The following ABLIM1 variants were observed in gnomAD, a reference collection of about 807,000 sequenced individuals.
ABLIM1 encodes the protein actin-binding LIM protein 1.
Under a neutral mutation model 107.0 loss-of-function variants are expected in ABLIM1, and 40 were observed. That is an observed-to-expected ratio of 0.37 (90% CI 0.29 to 0.49). ABLIM1 has a LOEUF of 0.49. Among genes scored for constraint, ABLIM1 ranks in the 20% least tolerant of loss-of-function variants. The pLI, the probability that ABLIM1 is intolerant of heterozygous loss-of-function variation, is 0.97. For missense variants in ABLIM1, 857 were observed against 1,008.5 expected (o/e 0.85, Z 2.04); for synonymous variants, 357 against 357.3 (o/e 1.00, Z 0.01).
At chr10:114,523,494 G>T (rs545800739) in intron 6 of ABLIM1, among the ~76,000 whole-genome samples, 2 of 152,198 alleles carry the variant, frequency 1.3e-5, no homozygotes, top group East Asian at 3.9e-4. Context: ...CAGACCCTAT[G>T]GTTAGTGTGC....
intron 1 of ABLIM1, among the ~76,000 whole-genome samples, chr10:114,651,503 C>T (rs563234432): frequency 6.6e-4 from 100 of 152,252 alleles, no homozygotes; most frequent in African/African-American, 2.1e-3. Flanking sequence ...AGAGGCCCAA[C>T]GTGAAAGCAT....
chr10:114,745,237 G>A (rs768626671), intron 1 of ABLIM1, among the ~76,000 whole-genome samples: 17 of 152,108 alleles, frequency 1.1e-4, no homozygotes, highest in South Asian at 4.1e-4. Flanking sequence ...TGCCTGACAC[G>A]TAGTAAGGAC....
chr10:114,615,498 A>G, intron 1 of ABLIM1: 1 of 448,192 alleles, frequency 2.2e-6, no homozygotes, highest in South Asian at 1.6e-5. Context: ...TATATTTACC[A>G]CAGTCTAAAC....
At chr10:114,443,470 G>A (rs140999140) in intron 17 of ABLIM1, among the ~76,000 whole-genome samples, 15 of 151,572 alleles carry the variant, frequency 9.9e-5, no homozygotes, top group African/African-American at 3.1e-4. Context: ...CCACCACCAC[G>A]CCTGGCTAAT....
rs186878934 is a variant in ABLIM1, at chr10:114,451,810, T to G, written c.1547-139A>C. On this transcript the variant is annotated intron_variant, in intron 13 of 22. Coordinates refer to ENST00000533213, the MANE Select transcript of ABLIM1 (RefSeq NM_002313.7). The stretch of plus-strand genomic sequence containing the variant: ...AGGTTAATTTCTGTATTACAAAGAT[T>G]GAGTTTATTGAAAGAAAAATTATAG... 1.1e-4 allele frequency: 86 copies of G among 749,370 alleles called. No individual in the cohort carries two copies. In the African/African-American group the frequency reaches 1.4e-3, roughly 12 times the overall value. The allele number at this position is 749,370 out of a possible 1,614,324, so 46.4% of individuals were successfully genotyped here.
At chr10:114,628,813 TAATA>T (rs1447818224) in intron 1 of ABLIM1, among the ~76,000 whole-genome samples, 1 of 152,226 alleles carries the variant, frequency 6.6e-6, no homozygotes, top group Non-Finnish European at 1.5e-5. Context: ...CAAAAATAAA[TAATA>T]AATCCCTTTT....
At chr10:114,660,680 G>C (rs1178689357), upstream of ABLIM1, among the ~76,000 whole-genome samples, 1 of 152,162 alleles carries the variant, frequency 6.6e-6, no homozygotes, top group East Asian at 1.9e-4. Context: ...GTTTCCTGGA[G>C]CTCTGCTCTT....
intron 6 of ABLIM1, among the ~76,000 whole-genome samples, chr10:114,506,538 T>TAA (rs1337839159): frequency 6.6e-6 from 1 of 152,220 alleles, no homozygotes; most frequent in African/African-American, 2.4e-5. Context: ...TCTGGCTTTT[T>TAA]AATAATAGCC....
chr10:114,558,832 C>G (rs561955434), intron 4 of ABLIM1, among the ~76,000 whole-genome samples: 1 of 151,754 alleles, frequency 6.6e-6, no homozygotes, highest in African/African-American at 2.4e-5. Flanking sequence ...AATAAAAATA[C>G]TAGCATAAAA....
intron 1 of ABLIM1, chr10:114,613,638 G>T: frequency 7.6e-7 from 1 of 1,311,732 alleles, no homozygotes; most frequent in Non-Finnish European, 1.0e-6. Flanking sequence ...TGTGAATAAA[G>T]ACACAAACCT....
intron 1 of ABLIM1, among the ~76,000 whole-genome samples, chr10:114,693,469 C>T (rs1337461715): frequency 6.6e-6 from 1 of 152,220 alleles, no homozygotes; most frequent in African/African-American, 2.4e-5. Context: ...TGCGTGCACT[C>T]TCTCCAGATC....
chr10:114,791,377 G>C, the ABLIM1 span, among the ~76,000 whole-genome samples: 1 of 151,194 alleles, frequency 6.6e-6, no homozygotes, highest in Non-Finnish European at 1.5e-5. Flanking sequence ...GGTGGCTCAT[G>C]CCTGTAATCC....
chr10:114,604,142 T>G (rs2076246398), intron 1 of ABLIM1, among the ~76,000 whole-genome samples: 1 of 151,876 alleles, frequency 6.6e-6, no homozygotes, highest in South Asian at 2.1e-4. Flanking sequence ...TCTCTCTCAG[T>G]GAAGTGAGTA....
chr10:114,541,679 A>G (rs921251488), intron 6 of ABLIM1, among the ~76,000 whole-genome samples: 2 of 152,242 alleles, frequency 1.3e-5, no homozygotes, highest in Non-Finnish European at 2.9e-5. Flanking sequence ...AAAGCCCCGC[A>G]TGGAAAGTCT....
intron 5 of ABLIM1, among the ~76,000 whole-genome samples, chr10:114,546,583 C>A (rs1424162633): frequency 6.6e-6 from 1 of 152,160 alleles, no homozygotes. Flanking sequence ...GCATGAGCCA[C>A]CGCACCCAGC....
the ABLIM1 span, among the ~76,000 whole-genome samples, chr10:114,787,682 A>C: frequency 1.0e-5 from 1 of 98,076 alleles, no homozygotes; most frequent in South Asian, 3.9e-4. Flanking sequence ...CTGCCCGGCC[A>C]GCCACCCCGT....
At chr10:114,601,316 G>A (rs1473208187) in intron 2 of ABLIM1, among the ~76,000 whole-genome samples, 1 of 150,270 alleles carries the variant, frequency 6.7e-6, no homozygotes, top group Non-Finnish European at 1.5e-5. Context: ...TCAGGCTGGA[G>A]TGCAATGACA....
chr10:114,792,488 GAA>G, the ABLIM1 span, among the ~76,000 whole-genome samples: 6 of 152,270 alleles, frequency 3.9e-5, no homozygotes, highest in East Asian at 1.2e-3. Flanking sequence ...TAGATATCAA[GAA>G]TAAAGAAGTA....
intron 14 of ABLIM1, among the ~76,000 whole-genome samples, chr10:114,449,875 C>T (rs1162609576): frequency 6.6e-6 from 1 of 152,190 alleles, no homozygotes; most frequent in Non-Finnish European, 1.5e-5. Context: ...TTGGAAAGCG[C>T]TGCTCTGGCT....
Sources: gnomAD v4.1 joint callset for allele counts (sites outside exome capture counted in the v4.1 genomes callset) on GRCh38, gnomAD v4.1.1 for gene constraint, MANE v1.5 for transcripts, NCBI Gene and HGNC (gene_info 2026-07-23, HGNC 2026-07-21) for gene names.